Variants in ZBTB11 observed in about 807,000 individuals in gnomAD.
ZBTB11 encodes the protein zinc finger and BTB domain containing 11, also known as zinc finger and BTB domain-containing protein 11.
ZBTB11 carries 68 observed loss-of-function variants against 113.1 expected under a neutral mutation model. The observed-to-expected ratio is 0.60, with a 90% CI of 0.49 to 0.74. The LOEUF is 0.74. Among genes scored for constraint, ZBTB11 ranks in the 30% least tolerant of loss-of-function variants. The pLI, the probability that ZBTB11 is intolerant of heterozygous loss-of-function variation, is 0.00. For missense variants in ZBTB11, 1,104 were observed against 1,279.4 expected (o/e 0.86, Z 2.09); for synonymous variants, 518 against 452.6 (o/e 1.14, Z -1.83).
chr3:101,661,668 C>T (rs1936889906), intron 5 of ZBTB11, among the ~76,000 whole-genome samples: 1 of 152,094 alleles, frequency 6.6e-6, no homozygotes, highest in Non-Finnish European at 1.5e-5. Flanking sequence ...ATTGTTTGTC[C>T]TCTGGCAACT....
chr3:101,668,456 C>T (rs1937031708), intron 3 of ZBTB11, among the ~76,000 whole-genome samples: 2 of 151,918 alleles, frequency 1.3e-5, no homozygotes, highest in South Asian at 4.1e-4. Flanking sequence ...AGTGAGACTC[C>T]ATCTCTATAA....
rs112061469 is a variant in ZBTB11 at position 101,665,381 on chromosome 3, T to C, written c.1206A>G (p.Ile402Met). ...ACTCCATTTCAGGATGGGAATCAGCTATACATCCTACTGATGACAGGGCAG... is the reference window on the plus strand; with the variant it reads ...ACTCCATTTCAGGATGGGAATCAGCCATACATCCTACTGATGACAGGGCAG... ...AESALSSVGC[I>M]ADSHPEMESV... The change falls in exon 4 of 11, where the codon ATA becomes ATG. Residue 402 changes from isoleucine to methionine, a missense_variant. Ile to Met is a conservative substitution (Grantham distance 10, BLOSUM62 1). Transcript: ENST00000312938. 433 of 1,614,230 alleles carry C rather than the reference T, an allele frequency of 2.7e-4. No homozygotes were observed. Among genetic ancestry groups the C allele is most frequent in the Admixed American group, 5.5e-4 (33 of 60,028 alleles).
At chr3:101,664,345 A>G (rs1164879847) in intron 5 of ZBTB11, among the ~76,000 whole-genome samples, 193 bp downstream of exon 5, 1 of 152,220 alleles carries the variant, frequency 6.6e-6, no homozygotes, top group Non-Finnish European at 1.5e-5. Flanking sequence ...TACGGTATCA[A>G]GAGGAAGCAG....
At chr3:101,661,507 TTGAC>T (rs1305588781) in intron 5 of ZBTB11, among the ~76,000 whole-genome samples, 1 of 152,256 alleles carries the variant, frequency 6.6e-6, no homozygotes, top group Non-Finnish European at 1.5e-5. Context: ...AATTAAAAGT[TTGAC>T]TGATTGGCTG....
At chr3:101,654,629 TCTTCAAATA>T (rs972618095) in intron 8 of ZBTB11, 66 bp downstream of exon 8, 1 of 1,264,736 alleles carries the variant, frequency 7.9e-7, no homozygotes. Context: ...TTTAATATTA[TCTTCAAATA>T]TTTTTTTGAA....
intron 1 of ZBTB11, among the ~76,000 whole-genome samples, chr3:101,672,623 G>A (rs918945100): frequency 5.9e-5 from 9 of 152,200 alleles, no homozygotes; most frequent in East Asian, 3.9e-4. Context: ...GGCTGAGGCC[G>A]GAGACTCACT....
chr3:101,671,935 C>A, intron 2 of ZBTB11, 43 bp downstream of exon 2: 2 of 1,451,882 alleles, frequency 1.4e-6, no homozygotes. Context: ...AATACTAGTA[C>A]ACTAGTTACA....
At position 101,672,056 on chromosome 3, in the gene ZBTB11, C is replaced by G; in HGVS notation, c.468G>C (p.Leu156=). 2 of 1,614,142 alleles carry G rather than the reference C, an allele frequency of 1.2e-6. No homozygotes were observed. The highest frequency in any genetic ancestry group is 2.2e-5 in the South Asian group (2 of 91,080). Residue 156 remains leucine (L), a synonymous_variant, in exon 2 of 11, where the codon CTG becomes CTC. Coordinates refer to ENST00000312938, the MANE Select transcript of ZBTB11 (RefSeq NM_014415.4). The part of the protein sequence containing the change: ...GEESNESEDD[L]SNFTSSPTTA... ...TAGTTGGAGATGAAGTAAAGTTGCT[C>G]AGGTCATCTTCCGATTCATTACTTT... is the stretch of plus-strand genomic sequence containing the variant.
Position 101,651,171 on chromosome 3 carries a change from C to T in ZBTB11, c.3157G>A (p.Glu1053Lys), listed in dbSNP as rs201117588. 5.7e-5 allele frequency: 90 copies of T among 1,575,486 alleles called. No individual in the cohort carries two copies. The highest frequency in any genetic ancestry group is 9.3e-5 in the Admixed American group (5 of 53,902). ...KVEVAHISGG[E>K] ...TTTTATCTTCATTAACATACTCATT[C>T]TCCTCCTGAAATATGTGCTACCTCT... The change falls in exon 11 of 11, where the codon GAA (glutamate) becomes AAA (lysine). Residue 1053 changes from glutamate (E) to lysine (K), a missense_variant. Physicochemically the swap from Glu to Lys is moderately conservative, Grantham distance 56. Around this residue, in one of 5 missense-constraint regions of ZBTB11, gnomAD observed 90 missense variants for 98.0 expected, o/e 0.92. Coordinates refer to ENST00000312938, the MANE Select transcript of ZBTB11 (RefSeq NM_014415.4).
rs1936683425 is a variant in ZBTB11 at position 101,650,484 on chromosome 3, A to G, written c.*682T>C. 2 of 152,628 alleles carry G rather than the reference A, an allele frequency of 1.3e-5. No individual in the cohort carries two copies. Among genetic ancestry groups the G allele is most frequent in the South Asian group, 4.1e-4 (2 of 4,832 alleles). 9.5% of individuals were successfully genotyped at this position (152,628 alleles called of 1,614,324 possible). ...TTTAATAAGCATTTCATGCATTTTA[A>G]TGGCATTTTAAAAATTAGCTATTCA... On this transcript the variant is annotated 3_prime_UTR_variant, in exon 11 of 11. Coordinates refer to ENST00000312938, the MANE Select transcript of ZBTB11 (RefSeq NM_014415.4).
At position 101,651,057 on chromosome 3, in the gene ZBTB11, G is replaced by C; in HGVS notation, c.*109C>G. On this transcript the variant is annotated 3_prime_UTR_variant, in exon 11 of 11. Transcript: ENST00000312938. ...AAACGTTACGTTACCAAACAGCCCAGAACTTTGATATGTAAACTCCAAGCA... is the reference window on the plus strand; with the variant it reads ...AAACGTTACGTTACCAAACAGCCCACAACTTTGATATGTAAACTCCAAGCA... 7.5e-7 allele frequency: 1 copy of C among 1,333,110 alleles called. No homozygotes were observed. Among genetic ancestry groups the C allele is most frequent in the Non-Finnish European group, 1.0e-6 (1 of 989,718 alleles). The allele number at this position is 1,333,110 out of a possible 1,614,324, so 82.6% of individuals were successfully genotyped here. A position where few individuals can be genotyped will look rare whatever the true frequency, so the allele number is the denominator to read the frequency against.
chr3:101,658,732 T>C (rs1455150637), intron 6 of ZBTB11, among the ~76,000 whole-genome samples: 5 of 152,134 alleles, frequency 3.3e-5, no homozygotes, highest in African/African-American at 1.2e-4. Flanking sequence ...ACAACGGACT[T>C]TGGGGACTTG....
At chr3:101,673,784 G>T (rs930228806) in intron 1 of ZBTB11, among the ~76,000 whole-genome samples, 4 of 152,178 alleles carry the variant, frequency 2.6e-5, no homozygotes, top group Non-Finnish European at 5.9e-5. Context: ...CAAAGTGCTG[G>T]GATGACGGGC....
intron 6 of ZBTB11, among the ~76,000 whole-genome samples, chr3:101,659,516 TA>T (rs1386371137): frequency 6.6e-6 from 1 of 152,204 alleles, no homozygotes; most frequent in Non-Finnish European, 1.5e-5. Context: ...ACTGGGATGA[TA>T]AACTGGTTAT....
At chr3:101,652,472 A>ATAATATAAATT in intron 10 of ZBTB11, 24 bp downstream of exon 10, 1 of 1,605,870 alleles carries the variant, frequency 6.2e-7, no homozygotes, top group South Asian at 1.1e-5. Context: ...CTATAAGGAT[A>ATAATATAAATT]CATATAATAT....
chr3:101,676,365 C>CG, intron 1 of ZBTB11: 1 of 399,584 alleles, frequency 2.5e-6, no homozygotes, highest in Non-Finnish European at 4.3e-6. Context: ...GCCCGGCCTC[C>CG]GGGGAAGCCC....
rs1936860884 is a variant in ZBTB11 at position 101,659,979 on chromosome 3, A to G, written c.1850T>C (p.Ile617Thr). The change falls in exon 6 of 11, where the codon ATT becomes ACT. Residue 617 changes from isoleucine to threonine, a missense_variant. Coordinates refer to ENST00000312938, the MANE Select transcript of ZBTB11 (RefSeq NM_014415.4). ...GGGTGCATCTTTTCTGGTATGACGA[A>G]TAAGATGTGCTCGCAAAGAGGCACT... is the stretch of plus-strand genomic sequence containing the variant. ...QYSASLRAHL[I>T]RHTRKDAPSS... 1.2e-6 allele frequency: 2 copies of G among 1,614,224 alleles called. No individual in the cohort carries two copies. Among genetic ancestry groups the G allele is most frequent in the East Asian group, 2.2e-5 (1 of 44,882 alleles).
At position 101,654,730 on chromosome 3, in the gene ZBTB11, A is replaced by G; in HGVS notation, c.2283T>C (p.Pro761=). Residue 761 remains proline (P), a synonymous_variant, in exon 8 of 11, where the codon CCT becomes CCC. Coordinates refer to ENST00000312938, the MANE Select transcript of ZBTB11 (RefSeq NM_014415.4). ...GAGTACAATGATAGCCTCGAACCTC[A>G]GGCTTTGGTTGGTGTTTCTTGAAGT... ...SKHFKKHQPK[P]EVRGYHCTQC... is the part of the protein sequence containing the mutation. The G allele has an allele frequency of 1.2e-6, 2 of 1,614,154 alleles. No homozygotes were observed. Among genetic ancestry groups the G allele is most frequent in the Non-Finnish European group, 1.7e-6 (2 of 1,179,998 alleles).
rs1162006530 is a variant in ZBTB11 at position 101,665,710 on chromosome 3, G to A, written c.877C>T (p.Arg293Cys). The stretch of plus-strand genomic sequence containing the variant: ...AAGACTTCTGACATGAAAAGATGAC[G>A]AGCTAAGATGGCTACATCAGCCATG... ...CSMADVAILA[R>C]HLFMSEVLEI... The change falls in exon 4 of 11, where the codon CGT (arginine) becomes TGT (cysteine). Residue 293 changes from arginine to cysteine, a missense_variant. By Grantham distance (180) the Arg-to-Cys change is radical. This residue lies in a region of ZBTB11 where 86 missense variants were observed against 131.0 expected (regional missense o/e 0.66). Transcript: ENST00000312938. 2.5e-6 allele frequency: 4 copies of A among 1,614,092 alleles called. No homozygotes were observed. The highest frequency in any genetic ancestry group is 1.7e-6 in the Non-Finnish European group (2 of 1,180,022).
Sources: gnomAD v4.1 joint callset for allele counts (sites outside exome capture counted in the v4.1 genomes callset) on GRCh38, gnomAD v4.1.1 for gene constraint, gnomAD v4.1.1 regional missense constraint, MANE v1.5 for transcripts, NCBI Gene and HGNC (gene_info 2026-07-23, HGNC 2026-07-21) for gene names.